Variants in HOXB3 observed in about 807,000 individuals in gnomAD.
The protein encoded by HOXB3 is homeobox B3.
A neutral mutation model predicts 29.2 loss-of-function variants in HOXB3; 17 were observed. The observed-to-expected ratio is 0.58, with a 90% CI of 0.40 to 0.87. The LOEUF (loss-of-function observed/expected upper bound fraction) is 0.87, where lower values mean the gene tolerates loss of function less well. HOXB3 is among the 40% of genes least tolerant of loss of function. The pLI, the probability that HOXB3 is intolerant of heterozygous loss-of-function variation, is 0.00. For synonymous variants in HOXB3, 317 were observed against 285.9 expected (o/e 1.11, Z -1.10); for missense variants, 637 against 616.3 (o/e 1.03, Z -0.35).
At chr17:48,571,349 GC>G (rs2069579686) in intron 2 of HOXB3, among the ~76,000 whole-genome samples, 1 of 152,250 alleles carries the variant, frequency 6.6e-6, no homozygotes, top group Non-Finnish European at 1.5e-5. Context: ...CAGCGCTGGG[GC>G]CGCCTTCAAG....
chr17:48,552,373 T>C lies in HOXB3; in HGVS notation c.102A>G (p.Gln34=). ...GGTGCGTGGCGGCCTGAAATGGGGG[T>C]TGGGGGGGGACATCGAAGCCGAAGC... ...SNGFGFDVPP[Q]PPFQAATHLE... is the part of the protein sequence containing the mutation. Residue 34 remains glutamine (Q), a synonymous_variant, in exon 4 of 5, where the codon CAA becomes CAG. Coordinates refer to ENST00000498678, the MANE Select transcript of HOXB3 (RefSeq NM_001384749.1). 6.2e-7 allele frequency: 1 copy of C among 1,612,838 alleles called. No individual in the cohort carries two copies. The highest frequency in any genetic ancestry group is 2.2e-5 in the East Asian group (1 of 44,832).
intron 4 of HOXB3, among the ~76,000 whole-genome samples, chr17:48,551,675 A>G (rs979378903): frequency 6.6e-6 from 1 of 152,264 alleles, no homozygotes; most frequent in African/African-American, 2.4e-5. Flanking sequence ...GGGCCGTCCA[A>G]GCGATTGTGA....
intron 1 of HOXB3, among the ~76,000 whole-genome samples, chr17:48,586,662 GT>G (rs574411684): frequency 1.4e-3 from 211 of 152,256 alleles, no homozygotes; most frequent in Non-Finnish European, 2.5e-3. Context: ...TTTGGTGTGG[GT>G]TTTTTCCCCC....
chr17:48,569,083 G>A (rs1871933610), intron 2 of HOXB3, among the ~76,000 whole-genome samples: 2 of 149,284 alleles, frequency 1.3e-5, no homozygotes, highest in Non-Finnish European at 3.0e-5. Flanking sequence ...TTTTTTTCTC[G>A]GGGTACAGGC....
Position 48,552,581 on chromosome 17 carries a change from C to T in HOXB3, c.-107G>A, listed in dbSNP as rs1220607297. Reference sequence around the variant, plus strand: ...CACGTGACACGCCGGACCCCCCCCCCCCACCTCCCCTCTCTGCCCCCCTCC... The same window carrying T: ...CACGTGACACGCCGGACCCCCCCCCTCCACCTCCCCTCTCTGCCCCCCTCC... On this transcript the variant is annotated 5_prime_UTR_variant, in exon 4 of 5. Transcript: ENST00000498678. The T allele has an allele frequency of 1.6e-5, 12 of 771,860 alleles. 1 individual carries two copies. In the South Asian group the frequency reaches 1.6e-4, roughly 10 times the overall value. 47.8% of individuals were successfully genotyped at this position (771,860 alleles called of 1,614,324 possible). A position where few individuals can be genotyped will look rare whatever the true frequency, so the allele number is the denominator to read the frequency against.
Position 48,550,991 on chromosome 17 carries a change from C to A in HOXB3, c.639G>T (p.Leu213=). 1 of 1,613,544 alleles carries A rather than the reference C, an allele frequency of 6.2e-7. No individual in the cohort carries two copies. Residue 213 remains leucine (L), a synonymous_variant, in exon 5 of 5, where the codon CTG becomes CTT. Coordinates refer to ENST00000498678, the MANE Select transcript of HOXB3 (RefSeq NM_001384749.1). ...LEKEFHFNRY[L]CRPRRVEMAN... ...CCATCTCTACACGGCGAGGCCGGCACAGGTAGCGGTTAAAATGGAACTCCT... is the reference window on the plus strand; with the variant it reads ...CCATCTCTACACGGCGAGGCCGGCAAAGGTAGCGGTTAAAATGGAACTCCT...
chr17:48,550,798 C>T lies in HOXB3; in HGVS notation c.832G>A (p.Ala278Thr). The change falls in exon 5 of 5, where the codon GCC becomes ACC. Residue 278 changes from alanine to threonine, a missense_variant. Coordinates refer to ENST00000498678, the MANE Select transcript of HOXB3 (RefSeq NM_001384749.1). The part of the protein sequence containing the change: ...PMQSTAGFMN[A>T]LHSMTPSYES... Reference sequence around the variant, plus strand: ...TAGCTGGGGGTCATGGAGTGTAAGGCGTTCATGAAGCCGGCCGTGGACTGC... The same window carrying T: ...TAGCTGGGGGTCATGGAGTGTAAGGTGTTCATGAAGCCGGCCGTGGACTGC... 4 of 1,613,022 alleles carry T rather than the reference C, an allele frequency of 2.5e-6. No homozygotes were observed. The highest frequency in any genetic ancestry group is 2.5e-6 in the Non-Finnish European group (3 of 1,179,538).
Position 48,555,531 on chromosome 17 carries a change from C to CT in HOXB3, c.-160dup. On this transcript the variant is annotated splice_region_variant and 5_prime_UTR_variant, in exon 3 of 5. The change creates a premature stop within an existing upstream ORF in the 5' untranslated region. Transcript: ENST00000498678. ...GATAGCCTATTTCAGTCCAGCTTAC[C>CT]TTAGCCACCGACGAGGGGAGAACAG... 2 of 702,774 alleles carry CT rather than the reference C, an allele frequency of 2.8e-6. No homozygotes were observed. The highest frequency in any genetic ancestry group is 2.6e-6 in the Non-Finnish European group (1 of 384,832). 43.5% of individuals were successfully genotyped at this position (702,774 alleles called of 1,614,324 possible).
chr17:48,551,957 G>C, intron 4 of HOXB3, 70 bp downstream of exon 4: 2 of 1,443,894 alleles, frequency 1.4e-6, no homozygotes, highest in South Asian at 2.7e-5. Context: ...CTAGGGGCTG[G>C]GTGCTAGAAT....
chr17:48,586,820 TAAAAC>T (rs1408055503), intron 1 of HOXB3, among the ~76,000 whole-genome samples: 2 of 151,762 alleles, frequency 1.3e-5, no homozygotes, highest in Non-Finnish European at 1.5e-5. Context: ...TAAAGCAAAA[TAAAAC>T]AAACCAAATT....
intron 3 of HOXB3, chr17:48,553,746 G>C (rs897462164): frequency 3.3e-5 from 5 of 150,360 alleles, no homozygotes; most frequent in African/African-American, 7.3e-5. Context: ...TTAAAAGTGT[G>C]CCAGAAAAAT....
chr17:48,570,248 C>T (rs1406820454), intron 2 of HOXB3, among the ~76,000 whole-genome samples: 1 of 152,092 alleles, frequency 6.6e-6, no homozygotes, highest in African/African-American at 2.4e-5. Context: ...ATTCCCCAGG[C>T]CTAAAGAGAG....
intron 2 of HOXB3, among the ~76,000 whole-genome samples, chr17:48,564,901 T>C (rs971568960): frequency 6.6e-6 from 1 of 152,222 alleles, no homozygotes; most frequent in Non-Finnish European, 1.5e-5. Flanking sequence ...CCTCGAGTTT[T>C]CTAAAGCTGC....
chr17:48,558,389 A>G (rs1269289065), intron 2 of HOXB3, among the ~76,000 whole-genome samples: 1 of 152,114 alleles, frequency 6.6e-6, no homozygotes, highest in Non-Finnish European at 1.5e-5. Context: ...GAGGACCGAG[A>G]AGCAAGAAAA....
chr17:48,577,969 G>A (rs2069822097), intron 1 of HOXB3: 1 of 1,313,298 alleles, frequency 7.6e-7, no homozygotes, highest in Non-Finnish European at 9.7e-7. Flanking sequence ...GAGGCGGCGG[G>A]GGGCTGCTGC....
intron 1 of HOXB3, chr17:48,577,860 C>T (rs1201599274): frequency 1.4e-6 from 2 of 1,401,486 alleles, no homozygotes; most frequent in Admixed American, 5.8e-5. Flanking sequence ...CCCACGCACT[C>T]ACCCGTGCTC....
intron 1 of HOXB3, chr17:48,577,767 C>A: frequency 8.8e-7 from 1 of 1,133,746 alleles, no homozygotes; most frequent in Non-Finnish European, 1.1e-6. Context: ...GGACAATTGG[C>A]TTCCCCAGCT....
rs1330892426 is a variant in HOXB3, at chr17:48,549,576, C to A, written c.*758G>T. 1 of 152,586 alleles carries A rather than the reference C, an allele frequency of 6.6e-6. No individual in the cohort carries two copies. Among genetic ancestry groups the A allele is most frequent in the Non-Finnish European group, 1.5e-5 (1 of 68,050 alleles). The allele number at this position is 152,586 out of a possible 1,614,324, so 9.5% of individuals were successfully genotyped here. On this transcript the variant is annotated 3_prime_UTR_variant, in exon 5 of 5. Transcript: ENST00000498678. ...GATGGAGCTGGAGCTGAGATGGAGG[C>A]AGCAGAATGGGCAAACCTTCAGTCC...
In HOXB3 at chr17:48,552,550, G is replaced by A; in HGVS notation, c.-76C>T. On this transcript the variant is annotated 5_prime_UTR_variant, in exon 4 of 5. An upstream open reading frame in the 5' UTR gains an earlier in-frame stop. Coordinates refer to ENST00000498678, the MANE Select transcript of HOXB3 (RefSeq NM_001384749.1). ...CTCAGGACCGGACATTGGCAACCCT[G>A]GGGGTCACGTGACACGCCGGACCCC... 8.3e-7 allele frequency: 1 copy of A among 1,211,416 alleles called. No homozygotes were observed. The highest frequency in any genetic ancestry group is 1.1e-6 in the Non-Finnish European group (1 of 874,298). 75.0% of individuals were successfully genotyped at this position (1,211,416 alleles called of 1,614,324 possible). A position where few individuals can be genotyped will look rare whatever the true frequency, so the allele number is the denominator to read the frequency against.
Sources: gnomAD v4.1 joint callset for allele counts (sites outside exome capture counted in the v4.1 genomes callset) on GRCh38, gnomAD v4.1.1 for gene constraint, MANE v1.5 for transcripts, NCBI Gene and HGNC (gene_info 2026-07-23, HGNC 2026-07-21) for gene names.